Variants in SLC35A1 observed in about 807,000 individuals in gnomAD.
The protein encoded by SLC35A1 is CMP-sialic acid transporter.
SLC35A1 carries 21 observed loss-of-function variants against 40.3 expected under a neutral mutation model. The observed-to-expected ratio is 0.52, with a 90% confidence interval of 0.37 to 0.75. The LOEUF (loss-of-function observed/expected upper bound fraction) is 0.75. SLC35A1 is among the 30% of genes least tolerant of loss of function. The pLI, the probability that SLC35A1 is intolerant of heterozygous loss-of-function variation, is 0.00. For missense variants in SLC35A1, 297 were observed against 382.1 expected (o/e 0.78, Z 1.86); for synonymous variants, 146 against 147.3 (o/e 0.99, Z 0.06).
intron 2 of SLC35A1, among the ~76,000 whole-genome samples, chr6:87,482,870 A>C (rs966500851): frequency 2.0e-5 from 3 of 152,144 alleles, no homozygotes; most frequent in African/African-American, 7.2e-5. Flanking sequence ...GCTCACAATG[A>C]GGTTTCCTCT....
At position 87,494,533 on chromosome 6, in the gene SLC35A1, C is replaced by A. The variant is rs183146361; in HGVS notation, c.195-5975C>A. Among the ~76,000 whole-genome samples, 374 of 150,498 alleles carry A rather than the reference C, an allele frequency of 2.5e-3. 1 individual carries two copies. The highest frequency in any genetic ancestry group is 8.8e-3 in the African/African-American group (360 of 40,940). ...CGCCTCCTGGGTTCATGCCATTCTT[C>A]TGCCTCAGCCTCGCGAGGAGCTGGG... On this transcript the variant is annotated intron_variant, in intron 2 of 7. Coordinates refer to ENST00000369552, the MANE Select transcript of SLC35A1 (RefSeq NM_006416.5).
intron 5 of SLC35A1, 121 bp downstream of exon 5, chr6:87,506,569 C>A: frequency 2.4e-6 from 2 of 842,864 alleles, no homozygotes; most frequent in South Asian, 2.7e-5. Context: ...GATCTTCTTG[C>A]TTATATTTAG....
At chr6:87,506,059 A>G (rs1384611478) in intron 4 of SLC35A1, among the ~76,000 whole-genome samples, 1 of 152,224 alleles carries the variant, frequency 6.6e-6, no homozygotes, top group Non-Finnish European at 1.5e-5. Context: ...AATAGAAATT[A>G]AAATTAAGTA....
At chr6:87,499,342 A>C (rs1371626104) in intron 2 of SLC35A1, among the ~76,000 whole-genome samples, 2 of 152,218 alleles carry the variant, frequency 1.3e-5, no homozygotes, top group Non-Finnish European at 2.9e-5. Context: ...CTATTTCACC[A>C]ACAAAGTATT....
intron 7 of SLC35A1, among the ~76,000 whole-genome samples, chr6:87,510,376 TCTTA>T (rs1770226876): frequency 6.6e-6 from 1 of 152,214 alleles, no homozygotes; most frequent in African/African-American, 2.4e-5. Context: ...TGTTTAATGT[TCTTA>T]CTGATGGTCA....
At chr6:87,477,940 G>A (rs181017681) in intron 2 of SLC35A1, among the ~76,000 whole-genome samples, 36 of 152,286 alleles carry the variant, frequency 2.4e-4, no homozygotes, top group Admixed American at 2.4e-3. Context: ...AATATTTACT[G>A]TTTGGCCCTT....
intron 3 of SLC35A1, 109 bp downstream of exon 3, chr6:87,500,776 CT>C (rs1411748121): frequency 5.7e-6 from 6 of 1,051,058 alleles, no homozygotes; most frequent in Non-Finnish European, 8.4e-6. Flanking sequence ...GAGATGGAGT[CT>C]CGCTCTTTCG....
At chr6:87,473,676 G>A (rs1462292288) in intron 1 of SLC35A1, among the ~76,000 whole-genome samples, 1 of 152,162 alleles carries the variant, frequency 6.6e-6, no homozygotes, top group Non-Finnish European at 1.5e-5. Flanking sequence ...TGGCACATTC[G>A]GGTGAAGGCG....
intron 5 of SLC35A1, chr6:87,506,858 A>C (rs3818057): frequency 0.34 from 78,249 of 229,872 alleles, 13,815 homozygotes; most frequent in Admixed American, 0.43. Context: ...CTATAACCTC[A>C]AGTTCTTTCT....
intron 2 of SLC35A1, among the ~76,000 whole-genome samples, chr6:87,478,395 AG>A (rs1769136709): frequency 6.6e-6 from 1 of 152,182 alleles, no homozygotes; most frequent in South Asian, 2.1e-4. Flanking sequence ...GTAAATTACC[AG>A]GGGAAAGATT....
intron 2 of SLC35A1, among the ~76,000 whole-genome samples, chr6:87,498,734 C>A (rs755327517): frequency 6.6e-6 from 1 of 152,102 alleles, no homozygotes; most frequent in African/African-American, 2.4e-5. Context: ...TGCACCATTG[C>A]ACTCCAGGTT....
intron 2 of SLC35A1, among the ~76,000 whole-genome samples, chr6:87,482,838 A>C (rs1229042519): frequency 1.0e-5 from 1 of 95,340 alleles, no homozygotes; most frequent in African/African-American, 5.3e-5. Context: ...GTCTTAGGAT[A>C]CTTCTGAACT....
chr6:87,493,050 A>G (rs1276588355), intron 2 of SLC35A1, among the ~76,000 whole-genome samples: 2 of 152,142 alleles, frequency 1.3e-5, no homozygotes, highest in Non-Finnish European at 2.9e-5. Context: ...CTTCATCATT[A>G]CCTATACATT....
Position 87,500,517 on chromosome 6 carries a change from T to C in SLC35A1, c.204T>C (p.Gly68=). ...CCTTTTGTTTTCAAAGAGAAACTGG[T>C]AGTCTGGGTAGATTCAAAGCATCTT... ...LSVGILAKET[G]SLGRFKASLR... is the part of the protein sequence containing the mutation. The change falls in exon 3 of 8, where the codon GGT becomes GGC. Residue 68 remains glycine (G), a synonymous_variant. Coordinates refer to ENST00000369552, the MANE Select transcript of SLC35A1 (RefSeq NM_006416.5). The C allele has an allele frequency of 6.2e-7, 1 of 1,614,068 alleles. No homozygotes were observed. Among genetic ancestry groups the C allele is most frequent in the Non-Finnish European group, 8.5e-7 (1 of 1,179,976 alleles).
In SLC35A1 at chr6:87,485,689, C is replaced by T. The variant is rs959170965; in HGVS notation, c.194+8150C>T. Among the ~76,000 whole-genome samples, 6 of 151,664 alleles carry T rather than the reference C, an allele frequency of 4.0e-5. No individual in the cohort carries two copies. The South Asian group carries it at 1.0e-3, about 26-fold the overall frequency. ...AAGGTGGGAGGATTGCTTGAGCCTG[C>T]GAGGACCTGCAGTGAGCCATGATTG... On this transcript the variant is annotated intron_variant, in intron 2 of 7. Coordinates refer to ENST00000369552, the MANE Select transcript of SLC35A1 (RefSeq NM_006416.5).
intron 2 of SLC35A1, 147 bp from the exon 3 acceptor site, chr6:87,500,361 T>C (rs1725260150): frequency 1.3e-6 from 1 of 776,850 alleles, no homozygotes. Context: ...TATGTTTCTT[T>C]TAATCTAAAA....
intron 1 of SLC35A1, among the ~76,000 whole-genome samples, chr6:87,475,264 A>C (rs6906734): frequency 0.12 from 17,909 of 152,274 alleles, 1,155 homozygotes; most frequent in African/African-American, 0.17. Context: ...ATTTTTTATC[A>C]ACCATTTAAA....
At chr6:87,481,130 A>G (rs751407277) in intron 2 of SLC35A1, among the ~76,000 whole-genome samples, 1 of 152,150 alleles carries the variant, frequency 6.6e-6, no homozygotes, top group Non-Finnish European at 1.5e-5. Flanking sequence ...ATTTGGGGAC[A>G]CCAGGCTGGG....
At chr6:87,507,329 T>C (rs1207227909) in intron 5 of SLC35A1, among the ~76,000 whole-genome samples, 1 of 152,204 alleles carries the variant, frequency 6.6e-6, no homozygotes, top group Non-Finnish European at 1.5e-5. Context: ...AGCATTGTGT[T>C]CTAGAAACCA....
Sources: gnomAD v4.1 joint callset for allele counts (sites outside exome capture counted in the v4.1 genomes callset) on GRCh38, gnomAD v4.1.1 for gene constraint, MANE v1.5 for transcripts, NCBI Gene and HGNC (gene_info 2026-07-23, HGNC 2026-07-21) for gene names.